GNAT2: variants seen among roughly 807,000 people sequenced by gnomAD.
GNAT2 encodes the protein G protein subunit alpha transducin 2.
In GNAT2, 32 loss-of-function variants were observed where a neutral mutation model predicts 40.9. The ratio of observed to expected loss-of-function variants is 0.78; its 90% confidence interval spans 0.59 to 1.05. The LOEUF (loss-of-function observed/expected upper bound fraction) is 1.05. GNAT2 is among the 50% of genes least tolerant of loss of function. GNAT2 has a pLI of 0.00. For missense variants in GNAT2, 355 were observed against 431.5 expected (o/e 0.82, Z 1.57); for synonymous variants, 141 against 157.2 (o/e 0.90, Z 0.77).
chr1:109,603,688 T>C (rs889615598), intron 8 of GNAT2, 144 bp from the exon 9 acceptor site: 8 of 703,620 alleles, frequency 1.1e-5, no homozygotes, highest in East Asian at 2.7e-5. Context: ...GATTCTCTAT[T>C]GCACTCCAGT....
At chr1:109,604,744 GC>G (rs1174189393) in intron 7 of GNAT2, 2 of 157,002 alleles carry the variant, frequency 1.3e-5, no homozygotes, top group Non-Finnish European at 2.8e-5. Context: ...AGCCCAGCTT[GC>G]TTTTAGGGAG....
At chr1:109,616,374 A>T (rs951242248) in intron 1 of GNAT2, 1 of 152,214 alleles carries the variant, frequency 6.6e-6, no homozygotes, top group Non-Finnish European at 1.5e-5. Context: ...AACCATTATC[A>T]TTTTGAATGA....
intron 1 of GNAT2, among the ~76,000 whole-genome samples, chr1:109,619,125 A>C (rs1650046800): frequency 6.6e-6 from 1 of 152,216 alleles, no homozygotes; most frequent in Non-Finnish European, 1.5e-5. Context: ...TGCTTGTTGG[A>C]TAGACCCCAG....
rs532219433 is a variant in GNAT2, at chr1:109,613,458, C to T, written c.-53-535G>A. 4.6e-4 allele frequency: 76 copies of T among 165,732 alleles called. 1 individual carries two copies. The South Asian group carries it at 0.011, about 24-fold the overall frequency. 10.3% of individuals were successfully genotyped at this position (165,732 alleles called of 1,614,324 possible). A position where few individuals can be genotyped will look rare whatever the true frequency, so the allele number is the denominator to read the frequency against. ...GAAATTTGTTTTGGGTGGTGCCCTT[C>T]CTTGGGAAGATTAGGAATGTTTCAG... On this transcript the variant is annotated intron_variant, in intron 1 of 8. Coordinates refer to ENST00000679935, the MANE Select transcript of GNAT2 (RefSeq NM_001377295.2).
At chr1:109,619,185 A>C (rs1004174789) in intron 1 of GNAT2, among the ~76,000 whole-genome samples, 1 of 152,238 alleles carries the variant, frequency 6.6e-6, no homozygotes, top group Non-Finnish European at 1.5e-5. Context: ...AACCAAGGCC[A>C]AGGCTAAAGC....
rs1299645433 is a variant in GNAT2 at position 109,603,652 on chromosome 1, AGTTGGG to A, written c.875-114_875-109del. On this transcript the variant is annotated intron_variant, in intron 8 of 8. Transcript: ENST00000679935. ...CCTTGAAATGTTATTAGACAACAGC[AGTTGGG>A]GGCCTATTTTTGGAGGGAAGATTCT... is the stretch of plus-strand genomic sequence containing the variant. 83 of 787,964 alleles carry A rather than the reference AGTTGGG, an allele frequency of 1.1e-4. No individual in the cohort carries two copies. In the East Asian group the frequency reaches 2.0e-3, roughly 19 times the overall value. 48.8% of individuals were successfully genotyped at this position (787,964 alleles called of 1,614,324 possible). A position where few individuals can be genotyped will look rare whatever the true frequency, so the allele number is the denominator to read the frequency against.
Position 109,613,276 on chromosome 1 carries a change from C to G in GNAT2, c.-53-353G>C, listed in dbSNP as rs1444214383. 1.0e-5 allele frequency: 3 copies of G among 293,204 alleles called. No homozygotes were observed. In the East Asian group the frequency reaches 2.6e-4, roughly 25 times the overall value. 18.2% of individuals were successfully genotyped at this position (293,204 alleles called of 1,614,324 possible). ...TAAGGGGTTCATCCCCTGAAAGTCT[C>G]TTGCTTCCTTAGATTTATTTGCATC... On this transcript the variant is annotated intron_variant, in intron 1 of 8. Coordinates refer to ENST00000679935, the MANE Select transcript of GNAT2 (RefSeq NM_001377295.2).
chr1:109,619,052 T>C (rs930444899), intron 1 of GNAT2, among the ~76,000 whole-genome samples: 1 of 152,130 alleles, frequency 6.6e-6, no homozygotes, highest in Non-Finnish European at 1.5e-5. Flanking sequence ...TTCAGTGAAG[T>C]CTTAGGGACT....
intron 1 of GNAT2, chr1:109,618,381 G>A (rs538477787): frequency 2.6e-4 from 40 of 152,130 alleles, no homozygotes; most frequent in Non-Finnish European, 4.6e-4. Context: ...CCTATTGTTC[G>A]ACCTTTAAAG....
intron 6 of GNAT2, 104 bp downstream of exon 6, chr1:109,606,204 C>G: frequency 6.4e-7 from 1 of 1,568,036 alleles, no homozygotes; most frequent in Non-Finnish European, 8.8e-7. Flanking sequence ...AGAAGCAGAA[C>G]AGTAATTTAG....
chr1:109,610,004 GCTTCCACC>G, intron 4 of GNAT2, 28 bp downstream of exon 4: 1 of 1,606,260 alleles, frequency 6.2e-7, no homozygotes, highest in Non-Finnish European at 8.5e-7. Flanking sequence ...TAGCCTTTCT[GCTTCCACC>G]CTTAACCACA....
In GNAT2 at chr1:109,603,451, A is replaced by T; in HGVS notation, c.968T>A (p.Met323Lys). ...ATTCTGTGTATCTGTAGCACAGGTCATGTGACTGTAGATTTCTTTGACATC... is the reference window on the plus strand; with the variant it reads ...ATTCTGTGTATCTGTAGCACAGGTCTTGTGACTGTAGATTTCTTTGACATC... The part of the protein sequence containing the change: ...RKDVKEIYSH[M>K]TCATDTQNVK... Residue 323 changes from methionine to lysine, a missense_variant, in exon 9 of 9, where the codon ATG becomes AAG. Physicochemically the swap from Met to Lys is moderately conservative, Grantham distance 95. Transcript: ENST00000679935. 3 of 1,594,814 alleles carry T rather than the reference A, an allele frequency of 1.9e-6. No homozygotes were observed. Among genetic ancestry groups the T allele is most frequent in the Non-Finnish European group, 2.6e-6 (3 of 1,162,242 alleles).
chr1:109,612,066 T>C (rs17024393), intron 2 of GNAT2: 6,798 of 153,148 alleles, frequency 0.044, 232 homozygotes, highest in African/African-American at 0.083. Flanking sequence ...CTGTGATCAA[T>C]TTCCCTGACA....
chr1:109,619,453 G>A (rs1342538292), intron 1 of GNAT2, 30 bp downstream of exon 1: 4 of 152,220 alleles, frequency 2.6e-5, no homozygotes, highest in Admixed American at 2.0e-4. Context: ...GTGGGAAGGG[G>A]AGCCAGAATT....
intron 1 of GNAT2, chr1:109,613,257 G>T: frequency 3.3e-6 from 1 of 300,396 alleles, no homozygotes; most frequent in South Asian, 3.1e-5. Context: ...CCTTTAAGGG[G>T]TTCATCCCCT....
rs1557917462 is a variant in GNAT2, at chr1:109,603,330, C to CTTA, written c.*21_*23dup. The CTTA allele has an allele frequency of 3.6e-6, 5 of 1,386,272 alleles. No homozygotes were observed. The highest frequency in any genetic ancestry group is 3.3e-5 in the Admixed American group (2 of 59,724). 85.9% of individuals were successfully genotyped at this position (1,386,272 alleles called of 1,614,324 possible). A position where few individuals can be genotyped will look rare whatever the true frequency, so the allele number is the denominator to read the frequency against. On this transcript the variant is annotated 3_prime_UTR_variant, in exon 9 of 9. Transcript: ENST00000679935. Reference sequence around the variant, plus strand: ...CCAGATTCCAAGCCTGTTTATAGAACTTATACCTGAGGAATGGTGAGGATT... The same window carrying CTTA: ...CCAGATTCCAAGCCTGTTTATAGAACTTATTATACCTGAGGAATGGTGAGGATT...
chr1:109,610,949 G>C, intron 2 of GNAT2: 1 of 251,634 alleles, frequency 4.0e-6, no homozygotes, highest in Non-Finnish European at 7.9e-6. Flanking sequence ...GTGATCTTGG[G>C]GTAGGATTGG....
Position 109,610,076 on chromosome 1 carries a change from GGT to G in GNAT2, c.265_266del (p.Thr89HisfsTer8). On this transcript the variant is annotated frameshift_variant, in exon 4 of 9. Transcript: ENST00000679935. LOFTEE classifies it high-confidence loss of function. ...QSILAIIRAM[T>X]TLGIDYAEPS... is the part of the protein sequence containing the mutation. ...GTTCAGCATAATCGATGCCCAGTGTGGTCATGGCCCGGATGATAGCCAGGATG... is the reference window on the plus strand; with the variant it reads ...GTTCAGCATAATCGATGCCCAGTGTGCATGGCCCGGATGATAGCCAGGATG... 2 of 1,613,984 alleles carry G rather than the reference GGT, an allele frequency of 1.2e-6. No individual in the cohort carries two copies. The highest frequency in any genetic ancestry group is 1.7e-6 in the Non-Finnish European group (2 of 1,179,870).
Position 109,610,093 on chromosome 1 carries a change from T to C in GNAT2, c.250A>G (p.Ile84Val), listed in dbSNP as rs747378581. Reference sequence around the variant, plus strand: ...CCCAGTGTGGTCATGGCCCGGATGATAGCCAGGATGGACTGCAGCACATTT... The same window carrying C: ...CCCAGTGTGGTCATGGCCCGGATGACAGCCAGGATGGACTGCAGCACATTT... ...YGNVLQSILA[I>V]IRAMTTLGID... The change falls in exon 4 of 9, where the codon ATC becomes GTC. Residue 84 changes from isoleucine to valine, a missense_variant. Transcript: ENST00000679935. The C allele has an allele frequency of 2.5e-6, 4 of 1,613,944 alleles. No individual in the cohort carries two copies. The South Asian group carries it at 3.3e-5, about 13-fold the overall frequency.
Sources: gnomAD v4.1 joint callset for allele counts (sites outside exome capture counted in the v4.1 genomes callset) on GRCh38, gnomAD v4.1.1 for gene constraint, MANE v1.5 for transcripts, NCBI Gene and HGNC (gene_info 2026-07-23, HGNC 2026-07-21) for gene names.